Variants in MSH3 observed in about 807,000 individuals in gnomAD.
MSH3 encodes the protein mutS homolog 3, also known as DNA mismatch repair protein Msh3.
In MSH3, 106 loss-of-function variants were observed where a neutral mutation model predicts 123.3. The observed-to-expected ratio is 0.86, with a 90% CI of 0.73 to 1.01. MSH3 has a LOEUF of 1.01. Among genes scored for constraint, MSH3 ranks in the 50% least tolerant of loss-of-function variants. The probability of loss-of-function intolerance (pLI) is 0.00; values close to 1 mark genes in which losing one functional copy is unlikely to be tolerated. For synonymous variants in MSH3, 515 were observed against 481.4 expected (o/e 1.07, Z -0.91); for missense variants, 1,459 against 1,347.6 (o/e 1.08, Z -1.29).
chr5:80,876,628 CAAAAAAAA>C lies in MSH3; in HGVS notation c.*772_*779del, dbSNP rs71879707. Among the ~76,000 whole-genome samples the C allele has an allele frequency of 1.5e-4, 19 of 126,268 alleles. No individual in the cohort carries two copies. Among genetic ancestry groups the C allele is most frequent in the Non-Finnish European group, 3.0e-4 (18 of 59,790 alleles). The allele number at this position is 126,268 out of a possible 152,430, so 82.8% of individuals were successfully genotyped here. A position where few individuals can be genotyped will look rare whatever the true frequency, so the allele number is the denominator to read the frequency against. ...TGGGCAACAGAGCAAGACTCCATCTCAAAAAAAAAAAAAGAAAAAAGAAAAGAAATAGA... is the reference window on the plus strand; with the variant it reads ...TGGGCAACAGAGCAAGACTCCATCTCAAAAAGAAAAAAGAAAAGAAATAGA... On this transcript the variant is annotated 3_prime_UTR_variant, in exon 24 of 24. Coordinates refer to ENST00000265081, the MANE Select transcript of MSH3 (RefSeq NM_002439.5).
intron 20 of MSH3, among the ~76,000 whole-genome samples, chr5:80,842,532 A>G (rs924282634): frequency 3.8e-4 from 58 of 152,056 alleles, no homozygotes; most frequent in African/African-American, 1.4e-3. Flanking sequence ...GATTCTTCCT[A>G]TCCATGAGCA....
At chr5:80,693,469 GTA>G (rs372882727) in intron 8 of MSH3, among the ~76,000 whole-genome samples, 7 of 118,990 alleles carry the variant, frequency 5.9e-5, no homozygotes, top group South Asian at 2.6e-4. Context: ...ACATGCACAT[GTA>G]TATGTTTATA....
At chr5:80,704,531 C>G (rs1295026213) in intron 8 of MSH3, among the ~76,000 whole-genome samples, 1 of 152,034 alleles carries the variant, frequency 6.6e-6, no homozygotes, top group African/African-American at 2.4e-5. Context: ...CTTTTGTTTT[C>G]AGAGGTGCTA....
chr5:80,666,853 G>A lies in MSH3; in HGVS notation c.579+1490G>A, dbSNP rs369000234. Among the ~76,000 whole-genome samples, 319 of 152,302 alleles carry A rather than the reference G, an allele frequency of 2.1e-3. 2 individuals carry two copies. Among genetic ancestry groups the A allele is most frequent in the African/African-American group, 7.4e-3 (306 of 41,558 alleles). ...TCAGCAATGCCATAACTCTCAATAG[G>A]TTTCGAAATATATTCTGATCACTCT... is the stretch of plus-strand genomic sequence containing the variant. On this transcript the variant is annotated intron_variant, in intron 3 of 23. Transcript: ENST00000265081.
At chr5:80,814,950 C>T (rs1290148964) in intron 20 of MSH3, among the ~76,000 whole-genome samples, 2 of 152,164 alleles carry the variant, frequency 1.3e-5, no homozygotes, top group African/African-American at 2.4e-5. Context: ...CTTAAAGCAT[C>T]GTGTATATTT....
chr5:80,794,856 C>A (rs1274499850), intron 19 of MSH3, among the ~76,000 whole-genome samples: 1 of 152,128 alleles, frequency 6.6e-6, no homozygotes, highest in Non-Finnish European at 1.5e-5. Flanking sequence ...AGTGGTAAAG[C>A]CCTAAAGAAG....
intron 19 of MSH3, among the ~76,000 whole-genome samples, chr5:80,800,066 G>C (rs1034581647): frequency 9.2e-5 from 14 of 152,140 alleles, no homozygotes; most frequent in African/African-American, 3.4e-4. Context: ...TTAGATACTG[G>C]ATAAACAATA....
intron 3 of MSH3, among the ~76,000 whole-genome samples, chr5:80,667,281 T>C (rs1355995645): frequency 6.6e-6 from 1 of 152,228 alleles, no homozygotes; most frequent in Non-Finnish European, 1.5e-5. Flanking sequence ...ACATAGTATA[T>C]ACCTGCATTT....
intron 8 of MSH3, among the ~76,000 whole-genome samples, chr5:80,700,548 CAT>C (rs1334521043): frequency 6.6e-6 from 1 of 151,688 alleles, no homozygotes; most frequent in Admixed American, 6.6e-5. Context: ...GTGGTAATGC[CAT>C]TGTATTTTCA....
intron 19 of MSH3, among the ~76,000 whole-genome samples, chr5:80,795,021 A>C (rs902801596): frequency 1.3e-5 from 2 of 152,092 alleles, no homozygotes; most frequent in African/African-American, 2.4e-5. Context: ...GGTTAGAAAC[A>C]GAAGTACTAA....
chr5:80,827,368 T>A (rs1745338146), intron 20 of MSH3, among the ~76,000 whole-genome samples: 1 of 152,224 alleles, frequency 6.6e-6, no homozygotes. Flanking sequence ...GGCACGAGTG[T>A]GTTTTTCTTG....
chr5:80,709,494 T>C (rs947653814), intron 8 of MSH3, among the ~76,000 whole-genome samples: 8 of 151,022 alleles, frequency 5.3e-5, no homozygotes, highest in South Asian at 2.1e-4. Context: ...CAGTGGCGGG[T>C]GCCTGTAGTC....
At chr5:80,784,624 T>C (rs879380527) in intron 17 of MSH3, among the ~76,000 whole-genome samples, 1 of 152,172 alleles carries the variant, frequency 6.6e-6, no homozygotes. Flanking sequence ...GTAATCCTAT[T>C]GTGCTATCAA....
In MSH3 at chr5:80,671,781, T is replaced by G. The variant is rs530617732; in HGVS notation, c.793-463T>G. Among the ~76,000 whole-genome samples the G allele has an allele frequency of 6.6e-5, 10 of 152,344 alleles. No individual in the cohort carries two copies. The East Asian group carries it at 1.9e-3, about 29-fold the overall frequency. ...TTTCTATCAGTCGTGCATCATTAAT[T>G]AGTTAGCCAGCCTGGGGTTTCTCTT... On this transcript the variant is annotated intron_variant, in intron 4 of 23. Coordinates refer to ENST00000265081, the MANE Select transcript of MSH3 (RefSeq NM_002439.5).
At chr5:80,710,015 T>C (rs1240386770) in intron 8 of MSH3, among the ~76,000 whole-genome samples, 1 of 152,198 alleles carries the variant, frequency 6.6e-6, no homozygotes, top group Non-Finnish European at 1.5e-5. Flanking sequence ...ATTACATCTA[T>C]TCTAAAGCTG....
chr5:80,692,619 TAA>T (rs1052594587), intron 8 of MSH3, among the ~76,000 whole-genome samples: 1 of 147,106 alleles, frequency 6.8e-6, no homozygotes, highest in Admixed American at 6.8e-5. Flanking sequence ...TGAATATATA[TAA>T]ACATGTATAT....
At chr5:80,737,063 G>T (rs1171273407) in intron 10 of MSH3, among the ~76,000 whole-genome samples, 1 of 152,156 alleles carries the variant, frequency 6.6e-6, no homozygotes, top group Non-Finnish European at 1.5e-5. Context: ...GCAGGATTTA[G>T]AAATGCAAAG....
intron 15 of MSH3, among the ~76,000 whole-genome samples, chr5:80,772,957 C>T (rs1371335969): frequency 1.3e-5 from 2 of 152,124 alleles, no homozygotes; most frequent in East Asian, 1.9e-4. Flanking sequence ...CTGTTTTCCC[C>T]CCTGCAGTGG....
At chr5:80,691,168 T>C (rs1229448030) in intron 8 of MSH3, among the ~76,000 whole-genome samples, 2 of 152,050 alleles carry the variant, frequency 1.3e-5, no homozygotes, top group Non-Finnish European at 2.9e-5. Flanking sequence ...AAAGCTGACA[T>C]GATTCACAGA....
Sources: allele counts gnomAD v4.1 joint callset (sites outside exome capture counted in the v4.1 genomes callset), GRCh38; gene constraint gnomAD v4.1.1; transcripts MANE v1.5; gene names NCBI Gene and HGNC (gene_info 2026-07-23, HGNC 2026-07-21).